Variants in FRMD5 observed in about 807,000 individuals in gnomAD.
FRMD5 encodes the protein FERM domain-containing protein 5.
FRMD5 carries 20 observed loss-of-function variants against 69.0 expected under a neutral mutation model. The observed-to-expected ratio is 0.29, with a 90% CI of 0.20 to 0.42. The LOEUF (loss-of-function observed/expected upper bound fraction) is 0.42. Ranked by LOEUF, FRMD5 falls within the 10% of genes least tolerant of loss-of-function variation. The pLI is 1.00. For missense variants in FRMD5, 595 were observed against 708.6 expected, an observed-to-expected ratio of 0.84 and a Z score of 1.82; for synonymous variants, 271 against 260.1, an observed-to-expected ratio of 1.04 and a Z score of -0.40.
intron 1 of FRMD5, among the ~76,000 whole-genome samples, chr15:43,992,500 C>G (rs1889732429): frequency 6.6e-6 from 1 of 152,094 alleles, no homozygotes; most frequent in Non-Finnish European, 1.5e-5. Flanking sequence ...GCCTCAGCCT[C>G]CTGAGTAGCT....
chr15:44,070,469 G>C (rs983379865), intron 1 of FRMD5, among the ~76,000 whole-genome samples: 1 of 152,138 alleles, frequency 6.6e-6, no homozygotes, highest in Non-Finnish European at 1.5e-5. Flanking sequence ...ATAGTTATGT[G>C]AATTAGAGAT....
chr15:43,907,704 C>T (rs2089206417), intron 5 of FRMD5, among the ~76,000 whole-genome samples: 1 of 152,170 alleles, frequency 6.6e-6, no homozygotes, highest in South Asian at 2.1e-4. Context: ...GACGGGGTTT[C>T]ACCATGTTGG....
chr15:44,166,689 C>T (rs1051538107), intron 1 of FRMD5, among the ~76,000 whole-genome samples: 2 of 144,092 alleles, frequency 1.4e-5, no homozygotes, highest in African/African-American at 5.3e-5. Context: ...GAGGCTGAGG[C>T]AGGAGAATGG....
chr15:44,148,311 C>G (rs535801871), intron 1 of FRMD5, among the ~76,000 whole-genome samples: 27 of 151,878 alleles, frequency 1.8e-4, no homozygotes, highest in South Asian at 6.2e-4. Flanking sequence ...TCGCTCTGTC[C>G]CCCAGGTTGG....
At chr15:44,091,077 A>T (rs780194068) in intron 1 of FRMD5, among the ~76,000 whole-genome samples, 3 of 152,194 alleles carry the variant, frequency 2.0e-5, no homozygotes, top group Admixed American at 2.0e-4. Context: ...TTTGAGATCA[A>T]TTTATAGCAA....
intron 1 of FRMD5, among the ~76,000 whole-genome samples, chr15:44,014,558 G>GA (rs1278688710): frequency 6.6e-6 from 1 of 152,124 alleles, no homozygotes; most frequent in Non-Finnish European, 1.5e-5. Context: ...CCAACATGGT[G>GA]AAATCCCATC....
chr15:44,144,089 G>A (rs1321273957), intron 1 of FRMD5, among the ~76,000 whole-genome samples: 1 of 152,018 alleles, frequency 6.6e-6, no homozygotes, highest in East Asian at 1.9e-4. Context: ...GTCCAAAAAA[G>A]TGGCATTCAA....
intron 7 of FRMD5, among the ~76,000 whole-genome samples, chr15:43,900,564 CA>C (rs1360891141): frequency 2.6e-5 from 4 of 151,332 alleles, no homozygotes; most frequent in Non-Finnish European, 5.9e-5. Context: ...ATCTTCTCAC[CA>C]AGGGACCAAA....
intron 1 of FRMD5, among the ~76,000 whole-genome samples, chr15:44,133,576 C>CAAAAAAAAAAAAAAAAAAATAA (rs11326330): frequency 1.2e-5 from 1 of 86,956 alleles, no homozygotes. Context: ...GAATCTGTCT[C>CAAAAAAAAAAAAAAAAAAATAA]AAAAAAAAAA....
intron 1 of FRMD5, among the ~76,000 whole-genome samples, chr15:44,036,096 G>C (rs866230849): frequency 2.0e-5 from 3 of 152,132 alleles, no homozygotes; most frequent in African/African-American, 7.2e-5. Flanking sequence ...TCCTAACGCA[G>C]CATTGCCCAT....
chr15:44,055,118 GTT>G (rs1476593438), intron 1 of FRMD5, among the ~76,000 whole-genome samples: 1 of 151,352 alleles, frequency 6.6e-6, no homozygotes, highest in Non-Finnish European at 1.5e-5. Context: ...AGATTGCACA[GTT>G]TGTGCACTGC....
intron 1 of FRMD5, chr15:43,989,704 G>T: frequency 1.0e-6 from 1 of 996,348 alleles, no homozygotes; most frequent in East Asian, 2.6e-5. Flanking sequence ...GCACAGTGTG[G>T]GTGACCCCGT....
chr15:43,999,967 T>TATATGTTATGC (rs55916455), intron 1 of FRMD5, among the ~76,000 whole-genome samples: 1 of 42,024 alleles, frequency 2.4e-5, no homozygotes, highest in Admixed American at 3.2e-4. Flanking sequence ...TATATATATA[T>TATATGTTATGC]ATATATATAT....
chr15:44,115,230 C>A (rs1274051690), intron 1 of FRMD5, among the ~76,000 whole-genome samples: 1 of 152,092 alleles, frequency 6.6e-6, no homozygotes, highest in Non-Finnish European at 1.5e-5. Flanking sequence ...TTCTCATAAA[C>A]AGATACATAA....
intron 1 of FRMD5, among the ~76,000 whole-genome samples, chr15:44,190,188 A>G (rs1302041314): frequency 6.6e-6 from 1 of 152,236 alleles, no homozygotes; most frequent in Non-Finnish European, 1.5e-5. Flanking sequence ...AGCAACTCGC[A>G]GAGTCAGACA....
chr15:44,165,341 G>A (rs1040434994), intron 1 of FRMD5, among the ~76,000 whole-genome samples: 3 of 152,148 alleles, frequency 2.0e-5, no homozygotes, highest in Admixed American at 6.5e-5. Context: ...AGGATTGCTC[G>A]AAACTGGGAG....
chr15:44,196,743 TC>T (rs1595582586), upstream of FRMD5, among the ~76,000 whole-genome samples: 29 of 112,898 alleles, frequency 2.6e-4, no homozygotes, highest in South Asian at 1.5e-3. Flanking sequence ...TCTCTCTCTC[TC>T]TCTCTCTTTC....
intron 1 of FRMD5, among the ~76,000 whole-genome samples, chr15:44,010,600 G>A (rs138405615): frequency 0.012 from 1,899 of 152,106 alleles, 38 homozygotes; most frequent in African/African-American, 0.043. Flanking sequence ...GGCCAGGCTG[G>A]TATCAAACTC....
intron 1 of FRMD5, among the ~76,000 whole-genome samples, chr15:43,961,582 C>G (rs2090201831): frequency 6.6e-6 from 1 of 152,172 alleles, no homozygotes; most frequent in Admixed American, 6.5e-5. Context: ...GATACCAAAG[C>G]CTGGCGGAGA....
Sources: gnomAD v4.1 joint callset for allele counts (sites outside exome capture counted in the v4.1 genomes callset) on GRCh38, gnomAD v4.1.1 for gene constraint, MANE v1.5 for transcripts, NCBI Gene and HGNC (gene_info 2026-07-23, HGNC 2026-07-21) for gene names.